Variants in ARHGAP22 observed in about 807,000 individuals in gnomAD.
The protein encoded by ARHGAP22 is rho GTPase-activating protein 22.
In ARHGAP22, 48 loss-of-function variants were observed where a neutral mutation model predicts 59.1. The ratio of observed to expected loss-of-function variants is 0.81; its 90% confidence interval spans 0.64 to 1.03. The LOEUF (loss-of-function observed/expected upper bound fraction) is 1.03. ARHGAP22 is among the 50% of genes least tolerant of loss of function. The pLI is 0.00. For missense variants in ARHGAP22, 1,015 were observed against 958.7 expected (o/e 1.06, Z -0.78); for synonymous variants, 445 against 416.4 (o/e 1.07, Z -0.84).
intron 1 of ARHGAP22, among the ~76,000 whole-genome samples, chr10:48,640,066 A>C (rs1344698458): frequency 6.6e-6 from 1 of 152,242 alleles, no homozygotes; most frequent in East Asian, 1.9e-4. Flanking sequence ...TGAACATTCA[A>C]TAACTAAAAT....
intron 2 of ARHGAP22, among the ~76,000 whole-genome samples, chr10:48,572,988 T>C (rs984226830): frequency 5.9e-5 from 9 of 152,312 alleles, no homozygotes; most frequent in South Asian, 2.1e-4. Flanking sequence ...TTATCTACCA[T>C]GTATCTTGCA....
chr10:48,451,381 A>C, intron 8 of ARHGAP22: 1 of 715,112 alleles, frequency 1.4e-6, no homozygotes. Context: ...AGCAGGGAGG[A>C]AGCACTGTGC....
chr10:48,611,427 G>T (rs1372099655), intron 1 of ARHGAP22, among the ~76,000 whole-genome samples: 1 of 152,160 alleles, frequency 6.6e-6, no homozygotes. Flanking sequence ...AAGAAGGGGG[G>T]AGGTCGCTGC....
At chr10:48,575,522 T>C (rs1357153044) in intron 2 of ARHGAP22, 2 of 152,188 alleles carry the variant, frequency 1.3e-5, no homozygotes, top group Non-Finnish European at 2.9e-5. Flanking sequence ...ATATTAATGT[T>C]CCACTCCTAG....
intron 3 of ARHGAP22, among the ~76,000 whole-genome samples, chr10:48,536,318 AG>A (rs1314905578): frequency 3.9e-5 from 6 of 152,228 alleles, no homozygotes; most frequent in Non-Finnish European, 7.3e-5. Context: ...AGCTGCCAGC[AG>A]GGGAAGGAAA....
intron 1 of ARHGAP22, among the ~76,000 whole-genome samples, chr10:48,650,182 C>T (rs1014876633): frequency 2.4e-5 from 3 of 123,216 alleles, no homozygotes; most frequent in Admixed American, 9.6e-5. Flanking sequence ...CAGCCTTTCA[C>T]GAAATGGCAT....
At chr10:48,495,409 C>T (rs974018701) in intron 3 of ARHGAP22, among the ~76,000 whole-genome samples, 4 of 152,234 alleles carry the variant, frequency 2.6e-5, no homozygotes, top group Non-Finnish European at 5.9e-5. Context: ...ACAGAGGCTA[C>T]AGAAGGTTGA....
At chr10:48,563,348 C>T (rs1051067695) in intron 2 of ARHGAP22, among the ~76,000 whole-genome samples, 34 of 152,204 alleles carry the variant, frequency 2.2e-4, no homozygotes, top group African/African-American at 7.7e-4. Flanking sequence ...CGCCCACCAC[C>T]ACGCCTGGCT....
intron 1 of ARHGAP22, among the ~76,000 whole-genome samples, chr10:48,628,126 G>A (rs2061511323): frequency 6.6e-6 from 1 of 152,222 alleles, no homozygotes; most frequent in Non-Finnish European, 1.5e-5. Flanking sequence ...TCCTCAGGGT[G>A]TCTGACTGGC....
chr10:48,508,488 G>A (rs542296069), intron 3 of ARHGAP22, among the ~76,000 whole-genome samples: 2 of 152,368 alleles, frequency 1.3e-5, no homozygotes, highest in South Asian at 4.1e-4. Context: ...CCACTGTGAG[G>A]CCCACTGCAG....
chr10:48,455,853 G>A (rs373107033), intron 5 of ARHGAP22, among the ~76,000 whole-genome samples: 3 of 152,196 alleles, frequency 2.0e-5, no homozygotes, highest in African/African-American at 7.2e-5. Context: ...GGAGCAGGTC[G>A]GAGGTCAGGC....
At chr10:48,444,857 CT>C (rs1239825880), downstream of ARHGAP22, 1 of 152,212 alleles carries the variant, frequency 6.6e-6, no homozygotes, top group Non-Finnish European at 1.5e-5. Context: ...CTTCTCTCTC[CT>C]TGAGTAGAGG....
intron 3 of ARHGAP22, among the ~76,000 whole-genome samples, chr10:48,526,660 T>C (rs1294103497): frequency 1.3e-5 from 2 of 152,158 alleles, no homozygotes; most frequent in Non-Finnish European, 2.9e-5. Context: ...AGTCCTACAT[T>C]TGGAAAGCAA....
At chr10:48,477,684 T>C (rs1589629030) in intron 4 of ARHGAP22, among the ~76,000 whole-genome samples, 1 of 152,248 alleles carries the variant, frequency 6.6e-6, no homozygotes, top group Non-Finnish European at 1.5e-5. Flanking sequence ...GGTGGGTGCA[T>C]ACAAGTATCC....
chr10:48,495,343 C>G (rs1016433245), intron 3 of ARHGAP22, among the ~76,000 whole-genome samples: 2 of 152,204 alleles, frequency 1.3e-5, no homozygotes, highest in Admixed American at 6.5e-5. Context: ...TCTCGATGTC[C>G]TCACAACCAC....
intron 1 of ARHGAP22, among the ~76,000 whole-genome samples, chr10:48,642,378 A>G (rs1414097659): frequency 6.6e-6 from 1 of 152,232 alleles, no homozygotes; most frequent in African/African-American, 2.4e-5. Context: ...TGGTACTGGT[A>G]CCGAAACAGA....
At position 48,628,692 on chromosome 10, in the gene ARHGAP22, G is replaced by A. The variant is rs185458541; in HGVS notation, c.52+23542C>T. Among the ~76,000 whole-genome samples the A allele has an allele frequency of 1.4e-3, 215 of 152,298 alleles. 1 individual carries two copies. The highest frequency in any genetic ancestry group is 5.1e-3 in the African/African-American group (211 of 41,564). ...TTGCAAGTTATCGAGTCATGGCCTT[G>A]ACAATATAGTCAAAGTATATTAAAC... On this transcript the variant is annotated intron_variant, in intron 1 of 9. Coordinates refer to the ARHGAP22 transcript ENST00000435790.
intron 3 of ARHGAP22, among the ~76,000 whole-genome samples, chr10:48,524,665 G>T (rs143142999): frequency 3.3e-5 from 5 of 152,130 alleles, no homozygotes; most frequent in Non-Finnish European, 5.9e-5. Flanking sequence ...CAGGACCACC[G>T]AGCTCTCAGT....
chr10:48,566,771 C>A (rs2058070108), intron 2 of ARHGAP22, among the ~76,000 whole-genome samples: 1 of 152,192 alleles, frequency 6.6e-6, no homozygotes, highest in South Asian at 2.1e-4. Flanking sequence ...GTGTTGAGGT[C>A]AGCACCATGT....
Sources: allele counts gnomAD v4.1 joint callset (sites outside exome capture counted in the v4.1 genomes callset), GRCh38; gene constraint gnomAD v4.1.1; transcripts MANE v1.5; gene names NCBI Gene and HGNC (gene_info 2026-07-23, HGNC 2026-07-21).